Variants in SETBP1 observed in about 807,000 individuals in gnomAD.
SETBP1 encodes SET-binding protein.
Under a neutral mutation model 101.0 loss-of-function variants are expected in SETBP1, and 9 were observed. That is an observed-to-expected ratio of 0.09 (90% CI 0.05 to 0.16). The LOEUF (loss-of-function observed/expected upper bound fraction) is 0.16. SETBP1 is among the 10% of genes least tolerant of loss of function. SETBP1 has a pLI of 1.00. For missense variants in SETBP1, 1,858 were observed against 2,033.8 expected (o/e 0.91, Z 1.66); for synonymous variants, 818 against 788.5 (o/e 1.04, Z -0.63).
intron 2 of SETBP1, among the ~76,000 whole-genome samples, chr18:44,741,668 G>A (rs2070100025): frequency 6.6e-6 from 1 of 152,190 alleles, no homozygotes; most frequent in East Asian, 1.9e-4. Context: ...AGGGCTGGGT[G>A]GGAGGTGTGG....
chr18:44,966,161 A>T (rs2071716683), intron 4 of SETBP1, among the ~76,000 whole-genome samples: 2 of 152,256 alleles, frequency 1.3e-5, no homozygotes, highest in Non-Finnish European at 2.9e-5. Context: ...TTGATGTCAG[A>T]TGCAGAAATA....
chr18:44,944,786 A>G (rs2071164404), intron 3 of SETBP1, among the ~76,000 whole-genome samples: 1 of 152,052 alleles, frequency 6.6e-6, no homozygotes. Context: ...TTTTTTTTTA[A>G]TGAGTTATGT....
At chr18:45,049,710 G>A (rs1023054648) in intron 5 of SETBP1, among the ~76,000 whole-genome samples, 4 of 152,128 alleles carry the variant, frequency 2.6e-5, no homozygotes, top group African/African-American at 4.8e-5. Context: ...GCCATTGAAG[G>A]CATTGAACTG....
chr18:44,704,821 A>G (rs2069185408), intron 2 of SETBP1, among the ~76,000 whole-genome samples: 1 of 152,246 alleles, frequency 6.6e-6, no homozygotes, highest in African/African-American at 2.4e-5. Context: ...GAGATTTCGT[A>G]AGCAACACAC....
chr18:44,906,935 A>G (rs2070189788), intron 3 of SETBP1, among the ~76,000 whole-genome samples: 1 of 152,208 alleles, frequency 6.6e-6, no homozygotes, highest in South Asian at 2.1e-4. Flanking sequence ...GTATATTTGC[A>G]GATTTGTGCA....
At chr18:44,986,817 G>T (rs1356391689) in intron 4 of SETBP1, 1 of 151,908 alleles carries the variant, frequency 6.6e-6, no homozygotes, top group Non-Finnish European at 1.5e-5. Context: ...GCTTATTCTG[G>T]AATGCCTCCT....
At position 44,953,264 on chromosome 18, in the gene SETBP1, G is replaced by T; in HGVS notation, c.3924G>T (p.Thr1308=). ...SKRRSYEGFG[T]YREKDIQAFK... ...GGAGGAGCTATGAAGGCTTTGGAACGTACAGGGAAAAGGACATCCAAGCCT... is the reference window on the plus strand; with the variant it reads ...GGAGGAGCTATGAAGGCTTTGGAACTTACAGGGAAAAGGACATCCAAGCCT... Residue 1308 remains threonine (T), a synonymous_variant, in exon 4 of 6, where the codon ACG becomes ACT. Transcript: ENST00000649279. The T allele has an allele frequency of 6.2e-7, 1 of 1,614,114 alleles. No homozygotes were observed. Among genetic ancestry groups the T allele is most frequent in the Non-Finnish European group, 8.5e-7 (1 of 1,180,046 alleles).
intron 4 of SETBP1, among the ~76,000 whole-genome samples, chr18:45,010,755 T>A (rs1415379809): frequency 6.6e-6 from 1 of 152,222 alleles, no homozygotes; most frequent in Non-Finnish European, 1.5e-5. Context: ...CATTTATAAA[T>A]AAATACTCAT....
chr18:45,010,001 G>T (rs1051123586), intron 4 of SETBP1, among the ~76,000 whole-genome samples: 2 of 152,122 alleles, frequency 1.3e-5, no homozygotes, highest in African/African-American at 2.4e-5. Context: ...ACAGTTCCTC[G>T]CCTGGGAGGT....
At chr18:44,990,927 G>GAAAAAAAAAAAAAAAAAAAA (rs996043221) in intron 4 of SETBP1, among the ~76,000 whole-genome samples, 2 of 63,200 alleles carry the variant, frequency 3.2e-5, no homozygotes, top group Admixed American at 1.7e-4. Flanking sequence ...CAGAGAGAGA[G>GAAAAAAAAAAAAAAAAAAAA]AAAAAAAAAA....
Position 45,065,307 on chromosome 18 carries a change from A to G in SETBP1, c.*1609A>G, listed in dbSNP as rs1172014441. 1 of 152,182 alleles carries G rather than the reference A, an allele frequency of 6.6e-6. No homozygotes were observed. The highest frequency in any genetic ancestry group is 1.5e-5 in the Non-Finnish European group (1 of 68,034). 9.4% of individuals were successfully genotyped at this position (152,182 alleles called of 1,614,324 possible). A position where few individuals can be genotyped will look rare whatever the true frequency, so the allele number is the denominator to read the frequency against. On this transcript the variant is annotated 3_prime_UTR_variant, in exon 6 of 6. Transcript: ENST00000649279. Reference sequence around the variant, plus strand: ...TCAATTTCCTCCCTCACTCCCTCTTACCTTCCCCAAGACATCAAACACCTG... The same window carrying G: ...TCAATTTCCTCCCTCACTCCCTCTTGCCTTCCCCAAGACATCAAACACCTG...
intron 5 of SETBP1, among the ~76,000 whole-genome samples, chr18:45,055,820 G>A (rs975446619): frequency 3.9e-5 from 6 of 152,008 alleles, no homozygotes; most frequent in East Asian, 3.8e-4. Flanking sequence ...CTCTTCATTC[G>A]AAAGTAGTTC....
chr18:44,783,215 G>C (rs529043165), intron 2 of SETBP1, among the ~76,000 whole-genome samples: 1 of 152,298 alleles, frequency 6.6e-6, no homozygotes, highest in East Asian at 1.9e-4. Flanking sequence ...TGCATGTTTT[G>C]GGGGACAGAT....
At chr18:44,851,525 C>G (rs910464609) in intron 2 of SETBP1, among the ~76,000 whole-genome samples, 2 of 152,134 alleles carry the variant, frequency 1.3e-5, no homozygotes, top group Admixed American at 1.3e-4. Flanking sequence ...CTTTCTTCTC[C>G]CAGCATGAGC....
intron 2 of SETBP1, among the ~76,000 whole-genome samples, chr18:44,781,594 G>A (rs575401701): frequency 4.0e-5 from 6 of 149,432 alleles, no homozygotes; most frequent in African/African-American, 1.5e-4. Context: ...ACAGTTCCAG[G>A]CATAAAAAAT....
intron 4 of SETBP1, among the ~76,000 whole-genome samples, chr18:45,037,253 C>T (rs973954189): frequency 6.6e-6 from 1 of 152,112 alleles, no homozygotes; most frequent in Non-Finnish European, 1.5e-5. Context: ...AGCCTCTTGA[C>T]TTACATTTGG....
intron 2 of SETBP1, among the ~76,000 whole-genome samples, chr18:44,713,539 T>C (rs1300081611): frequency 1.3e-5 from 2 of 152,126 alleles, no homozygotes; most frequent in Non-Finnish European, 2.9e-5. Flanking sequence ...AAGGTGTAAG[T>C]GGGAGAGCTC....
chr18:44,694,175 A>G (rs1270424332), intron 1 of SETBP1, among the ~76,000 whole-genome samples: 1 of 152,118 alleles, frequency 6.6e-6, no homozygotes, highest in African/African-American at 2.4e-5. Context: ...TGTTTTCCAG[A>G]TTTTTTAAAA....
intron 3 of SETBP1, among the ~76,000 whole-genome samples, chr18:44,940,493 A>G (rs2071062908): frequency 6.6e-6 from 1 of 151,538 alleles, no homozygotes; most frequent in African/African-American, 2.4e-5. Flanking sequence ...TTTGTAATCC[A>G]TATGTTTCCT....
Sources: gnomAD v4.1 joint callset for allele counts (sites outside exome capture counted in the v4.1 genomes callset) on GRCh38, gnomAD v4.1.1 for gene constraint, MANE v1.5 for transcripts, NCBI Gene and HGNC (gene_info 2026-07-23, HGNC 2026-07-21) for gene names.